Variants in TRIM31 observed in about 807,000 individuals in gnomAD.
TRIM31 encodes E3 ubiquitin-protein ligase TRIM31.
A neutral mutation model predicts 40.6 loss-of-function variants in TRIM31; 31 were observed. The ratio of observed to expected loss-of-function variants is 0.76; its 90% confidence interval spans 0.57 to 1.03. The LOEUF (loss-of-function observed/expected upper bound fraction) is 1.03, where lower values mean the gene tolerates loss of function less well. Ranked by LOEUF, TRIM31 falls within the 50% of genes least tolerant of loss-of-function variation. The pLI is 0.00. For missense variants in TRIM31, 455 were observed against 497.5 expected (o/e 0.91, Z 0.81); for synonymous variants, 164 against 193.9 (o/e 0.85, Z 1.28).
rs559765568 is a variant in TRIM31 at position 30,112,413 on chromosome 6, G to A, written c.393C>T (p.Ile131=). Reference sequence around the variant, plus strand: ...CCTGATAATTCTGGGCAGCTTCTTCGATCAAGCTGACATTATGGGATTTGT... The same window carrying A: ...CCTGATAATTCTGGGCAGCTTCTTCAATCAAGCTGACATTATGGGATTTGT... ...KDHKSHNVSL[I]EEAAQNYQGQ... is the part of the protein sequence containing the mutation. The change falls in exon 2 of 9, where the codon ATC becomes ATT. Residue 131 remains isoleucine, a synonymous_variant. Coordinates refer to ENST00000376734, the MANE Select transcript of TRIM31 (RefSeq NM_007028.5). 8 of 1,612,102 alleles carry A rather than the reference G, an allele frequency of 5.0e-6. No homozygotes were observed. Among genetic ancestry groups the A allele is most frequent in the Admixed American group, 3.3e-5 (2 of 59,862 alleles).
chr6:30,111,030 C>CTTTTTT (rs9278578), intron 3 of TRIM31, among the ~76,000 whole-genome samples: 20 of 114,290 alleles, frequency 1.7e-4, no homozygotes, highest in African/African-American at 4.3e-4. Flanking sequence ...TTCCTTCTGT[C>CTTTTTT]TTTTTTTTTT....
At chr6:30,107,285 G>A (rs1472298536) in intron 6 of TRIM31, among the ~76,000 whole-genome samples, 1 of 143,274 alleles carries the variant, frequency 7.0e-6, no homozygotes, top group Non-Finnish European at 1.5e-5. Flanking sequence ...ATTCCCGGCT[G>A]AATGGGTGGA....
At position 30,112,561 on chromosome 6, in the gene TRIM31, T is replaced by C. The variant is rs1484115059; in HGVS notation, c.245A>G (p.Gln82Arg). 9 of 1,612,986 alleles carry C rather than the reference T, an allele frequency of 5.6e-6. No homozygotes were observed. The highest frequency in any genetic ancestry group is 7.6e-6 in the Non-Finnish European group (9 of 1,180,030). Residue 82 changes from glutamine (Q) to arginine (R), a missense_variant, in exon 2 of 9, where the codon CAA becomes CGA. Gln to Arg is a conservative substitution (Grantham distance 43). Coordinates refer to ENST00000376734, the MANE Select transcript of TRIM31 (RefSeq NM_007028.5). ...CCTTTTGGACTGCACCTCAGAGGCTTGTAGAGCTTGGATTTTCTCCACCAG... is the reference window on the plus strand; with the variant it reads ...CCTTTTGGACTGCACCTCAGAGGCTCGTAGAGCTTGGATTTTCTCCACCAG... ...RNLVEKIQALQASEVQSKRKE... is the reference protein window; with the variant it reads ...RNLVEKIQALRASEVQSKRKE...
chr6:30,112,299 G>T, intron 2 of TRIM31, 90 bp downstream of exon 2: 1 of 1,482,556 alleles, frequency 6.7e-7, no homozygotes, highest in Non-Finnish European at 9.1e-7. Context: ...GCAATGGGGT[G>T]CAAACCCTCA....
At chr6:30,110,760 TAA>T in intron 3 of TRIM31, 82 bp from the exon 4 acceptor site, 1 of 1,337,136 alleles carries the variant, frequency 7.5e-7, no homozygotes, top group Non-Finnish European at 1.0e-6. Context: ...TTAATTTTAT[TAA>T]GTTTGTGTGG....
At chr6:30,106,443 G>A (rs191804412) in intron 6 of TRIM31, among the ~76,000 whole-genome samples, 117 of 152,184 alleles carry the variant, frequency 7.7e-4, no homozygotes, top group African/African-American at 2.3e-3. Context: ...CAGTCACCCC[G>A]AGCAGGGAGA....
At position 30,111,752 on chromosome 6, in the gene TRIM31, AGAGGGCCGTTTG is replaced by A; in HGVS notation, c.418-21_418-10del. The A allele has an allele frequency of 6.2e-7, 1 of 1,614,162 alleles. No individual in the cohort carries two copies. Among genetic ancestry groups the A allele is most frequent in the African/African-American group, 1.3e-5 (1 of 75,078 alleles). Reference sequence around the variant, plus strand: ...TGCTCTTGAATCTGCCCCTGCGGAAAGAGGGCCGTTTGGACAGGCTGTGCCTGGAGATTTCTG... The same window carrying A: ...TGCTCTTGAATCTGCCCCTGCGGAAAGACAGGCTGTGCCTGGAGATTTCTG... On this transcript the variant is annotated splice_polypyrimidine_tract_variant and intron_variant, in intron 2 of 8. Coordinates refer to ENST00000376734, the MANE Select transcript of TRIM31 (RefSeq NM_007028.5).
chr6:30,110,739 T>A (rs1357487239), intron 3 of TRIM31, 61 bp from the exon 4 acceptor site: 1 of 1,460,350 alleles, frequency 6.8e-7, no homozygotes, highest in Non-Finnish European at 9.5e-7. Context: ...CTAGCCCACT[T>A]TATTCAGCCA....
At position 30,108,946 on chromosome 6, in the gene TRIM31, T is replaced by C. The variant is rs1246083124; in HGVS notation, c.767+80A>G. 2.7e-6 allele frequency: 4 copies of C among 1,457,774 alleles called. No individual in the cohort carries two copies. The East Asian group carries it at 6.8e-5, about 25-fold the overall frequency. 90.3% of individuals were successfully genotyped at this position (1,457,774 alleles called of 1,614,324 possible). On this transcript the variant is annotated intron_variant, in intron 5 of 8. Transcript: ENST00000376734. Reference sequence around the variant, plus strand: ...GGTGGGTATTTCTGAGAGAGGAATGTTGACTGCATTTGGATATACGCTGAG... The same window carrying C: ...GGTGGGTATTTCTGAGAGAGGAATGCTGACTGCATTTGGATATACGCTGAG...
chr6:30,103,486 T>C lies in TRIM31; in HGVS notation c.*50A>G. ...CAGCCACTCACTCAGCGCCACTCTA[T>C]GCTCCGAAGTCCGTGTAGCACCACC... On this transcript the variant is annotated 3_prime_UTR_variant, in exon 9 of 9. Coordinates refer to ENST00000376734, the MANE Select transcript of TRIM31 (RefSeq NM_007028.5). The C allele has an allele frequency of 1.2e-6, 2 of 1,605,730 alleles. No individual in the cohort carries two copies. Among genetic ancestry groups the C allele is most frequent in the South Asian group, 1.1e-5 (1 of 90,730 alleles).
chr6:30,112,283 G>T lies in TRIM31; in HGVS notation c.417+106C>A, dbSNP rs186441417. On this transcript the variant is annotated intron_variant, in intron 2 of 8. Coordinates refer to ENST00000376734, the MANE Select transcript of TRIM31 (RefSeq NM_007028.5). Reference sequence around the variant, plus strand: ...CGAGCTGCCCACTCAAGCCCAAGGGGTGGGGGCAATGGGGTGCAAACCCTC... The same window carrying T: ...CGAGCTGCCCACTCAAGCCCAAGGGTTGGGGGCAATGGGGTGCAAACCCTC... 31 of 1,356,194 alleles carry T rather than the reference G, an allele frequency of 2.3e-5. No homozygotes were observed. The African/African-American group carries it at 4.4e-4, about 19-fold the overall frequency. 84.0% of individuals were successfully genotyped at this position (1,356,194 alleles called of 1,614,324 possible). A position where few individuals can be genotyped will look rare whatever the true frequency, so the allele number is the denominator to read the frequency against.
chr6:30,103,291 G>A lies in TRIM31; in HGVS notation c.*245C>T, dbSNP rs905087326. ...AGTGATAAGAAGTCAAGCGTGGGGC[G>A]GGTGGCTGGAGATTGTCTCTTCCCC... On this transcript the variant is annotated 3_prime_UTR_variant, in exon 9 of 9. Transcript: ENST00000376734. The A allele has an allele frequency of 6.4e-6, 4 of 622,210 alleles. No individual in the cohort carries two copies. The Admixed American group carries it at 1.2e-4, about 18-fold the overall frequency. 38.5% of individuals were successfully genotyped at this position (622,210 alleles called of 1,614,324 possible).
At chr6:30,111,168 G>C (rs1008836213) in intron 3 of TRIM31, 2 of 177,618 alleles carry the variant, frequency 1.1e-5, no homozygotes, top group Non-Finnish European at 2.4e-5. Flanking sequence ...TAGTAGCTGG[G>C]ACTACAGGCG....
intron 3 of TRIM31, 119 bp downstream of exon 3, chr6:30,111,529 C>A (rs1199630635): frequency 2.0e-6 from 2 of 1,019,208 alleles, no homozygotes; most frequent in Non-Finnish European, 2.9e-6. Context: ...TGCTGAGGCG[C>A]CGAGGAGAGG....
Position 30,103,449 on chromosome 6 carries a change from C to A in TRIM31, c.*87G>T. ...GACCCAATTCCACTAAGTCAAGAACCGTGGTCGGTCTCAGCCACTCACTCA... is the reference window on the plus strand; with the variant it reads ...GACCCAATTCCACTAAGTCAAGAACAGTGGTCGGTCTCAGCCACTCACTCA... On this transcript the variant is annotated 3_prime_UTR_variant, in exon 9 of 9. Transcript: ENST00000376734. 6.4e-7 allele frequency: 1 copy of A among 1,568,792 alleles called. No homozygotes were observed. The highest frequency in any genetic ancestry group is 8.6e-7 in the Non-Finnish European group (1 of 1,159,246).
chr6:30,103,170 T>C lies in TRIM31; in HGVS notation c.*366A>G. On this transcript the variant is annotated 3_prime_UTR_variant, in exon 9 of 9. Transcript: ENST00000376734. ...GGCGTTGCTCCTCTCCGGATTTCAC[T>C]CCTGGCTGAACTGGTGCCTTCGGTA... 1 of 302,848 alleles carries C rather than the reference T, an allele frequency of 3.3e-6. No homozygotes were observed. The highest frequency in any genetic ancestry group is 6.2e-6 in the Non-Finnish European group (1 of 160,146). The allele number at this position is 302,848 out of a possible 1,614,324, so 18.8% of individuals were successfully genotyped here. A position where few individuals can be genotyped will look rare whatever the true frequency, so the allele number is the denominator to read the frequency against.
chr6:30,103,613 A>C lies in TRIM31; in HGVS notation c.1201T>G (p.Ser401Ala). ...CTCAGTGCCGCATGGAGCTCCTCGGACAGCGCAACGTCAAATGTCTTCGTA... is the reference window on the plus strand; with the variant it reads ...CTCAGTGCCGCATGGAGCTCCTCGGCCAGCGCAACGTCAAATGTCTTCGTA... ...QDTKTFDVAL[S>A]EELHAALSEW... Residue 401 changes from serine (S) to alanine (A), a missense_variant, in exon 9 of 9, where the codon TCC (serine) becomes GCC (alanine). Physicochemically the swap from Ser to Ala is moderately conservative, Grantham distance 99 (BLOSUM62 1). Coordinates refer to ENST00000376734, the MANE Select transcript of TRIM31 (RefSeq NM_007028.5). The C allele has an allele frequency of 6.2e-7, 1 of 1,613,078 alleles. No homozygotes were observed.
chr6:30,110,386 C>A, intron 4 of TRIM31, 62 bp downstream of exon 4: 2 of 1,533,294 alleles, frequency 1.3e-6, no homozygotes, highest in Non-Finnish European at 9.0e-7. Flanking sequence ...GTGGTCCATG[C>A]TCTGACCTGA....
intron 3 of TRIM31, among the ~76,000 whole-genome samples, chr6:30,110,901 C>T (rs940802367): frequency 6.6e-6 from 1 of 152,196 alleles, no homozygotes; most frequent in African/African-American, 2.4e-5. Context: ...TTACCACTTG[C>T]CTTCAAGGAA....
Sources: allele counts gnomAD v4.1 joint callset (sites outside exome capture counted in the v4.1 genomes callset), GRCh38; gene constraint gnomAD v4.1.1; transcripts MANE v1.5; gene names NCBI Gene and HGNC (gene_info 2026-07-23, HGNC 2026-07-21).